TSPAN18: variants seen among roughly 807,000 people sequenced by gnomAD.
TSPAN18 encodes the protein tetraspanin-18.
In TSPAN18, 14 loss-of-function variants were observed where a neutral mutation model predicts 27.3. That is an observed-to-expected ratio of 0.51 (90% CI 0.34 to 0.80). The LOEUF is 0.80. TSPAN18 is among the 30% of genes least tolerant of loss of function. The pLI, the probability that TSPAN18 is intolerant of heterozygous loss-of-function variation, is 0.01. For missense variants in TSPAN18, 268 were observed against 323.9 expected (o/e 0.83, Z 1.32); for synonymous variants, 143 against 136.5 (o/e 1.05, Z -0.33).
chr11:44,915,839 A>G (rs1225234901), intron 5 of TSPAN18, among the ~76,000 whole-genome samples: 1 of 152,216 alleles, frequency 6.6e-6, no homozygotes, highest in Admixed American at 6.5e-5. Context: ...GAAACTACAC[A>G]AAAAAGAGAC....
chr11:44,811,912 CA>C (rs1049297822), intron 2 of TSPAN18, among the ~76,000 whole-genome samples: 2 of 152,204 alleles, frequency 1.3e-5, no homozygotes, highest in Admixed American at 1.3e-4. Flanking sequence ...TAGGAACCCC[CA>C]GGGGGAGAAC....
At chr11:44,730,647 A>C (rs1854631423) in intron 1 of TSPAN18, among the ~76,000 whole-genome samples, 1 of 145,644 alleles carries the variant, frequency 6.9e-6, no homozygotes, top group South Asian at 2.2e-4. Context: ...TTTTTGAGAG[A>C]CAGTCTTGCT....
chr11:44,788,456 C>CTTTTTTTTT lies in TSPAN18; in HGVS notation c.-153+23955_-153+23963dup, dbSNP rs11458938. 2.1e-3 allele frequency among the ~76,000 whole-genome samples: 263 copies of CTTTTTTTTT among 126,746 alleles called. 2 individuals are homozygous for CTTTTTTTTT. Among genetic ancestry groups the CTTTTTTTTT allele is most frequent in the African/African-American group, 7.5e-3 (249 of 33,046 alleles). 83.2% of individuals were successfully genotyped at this position (126,746 alleles called of 152,430 possible). A position where few individuals can be genotyped will look rare whatever the true frequency, so the allele number is the denominator to read the frequency against. ...TGGAGGATGGGTTTTCTTTTTTTCTCTTTTTTTTTTTTTTTTTTTGAGCCA... is the reference window on the plus strand; with the variant it reads ...TGGAGGATGGGTTTTCTTTTTTTCTCTTTTTTTTTTTTTTTTTTTTTTTTTTTTGAGCCA... On this transcript the variant is annotated intron_variant, in intron 2 of 9. Transcript: ENST00000520358.
chr11:44,856,085 A>G (rs1380032056), intron 2 of TSPAN18, among the ~76,000 whole-genome samples: 1 of 151,788 alleles, frequency 6.6e-6, no homozygotes, highest in Admixed American at 6.6e-5. Context: ...GGGTTTCACC[A>G]TGTTAGCCAG....
chr11:44,848,890 C>T (rs1035305110), intron 2 of TSPAN18, among the ~76,000 whole-genome samples: 13 of 152,266 alleles, frequency 8.5e-5, no homozygotes, highest in Non-Finnish European at 1.8e-4. Context: ...GTACTCAGGT[C>T]CCTTTGGTGA....
intron 1 of TSPAN18, among the ~76,000 whole-genome samples, chr11:44,741,916 C>G (rs1854945875): frequency 1.3e-5 from 2 of 151,792 alleles, no homozygotes; most frequent in African/African-American, 2.4e-5. Context: ...TCTCTCTGCT[C>G]TCTCCCCACT....
At chr11:44,875,720 G>C (rs1040957537) in intron 3 of TSPAN18, among the ~76,000 whole-genome samples, 3 of 152,214 alleles carry the variant, frequency 2.0e-5, no homozygotes, top group Non-Finnish European at 4.4e-5. Context: ...CAGAGAAGTG[G>C]CTTCATTTCC....
chr11:44,860,446 G>A lies in TSPAN18; in HGVS notation c.-34G>A, dbSNP rs12802362. Reference sequence around the variant, plus strand: ...GAGACGCGAGCATAATCCTTTTGCAGACATCTCAACGCTGGCTCTCCAGGT... The same window carrying A: ...GAGACGCGAGCATAATCCTTTTGCAAACATCTCAACGCTGGCTCTCCAGGT... On this transcript the variant is annotated 5_prime_UTR_variant, in exon 3 of 10. Coordinates refer to ENST00000520358, the MANE Select transcript of TSPAN18 (RefSeq NM_130783.5). 37,254 of 151,614 alleles carry A rather than the reference G, an allele frequency of 0.25. 4,776 individuals are homozygous for A. Among genetic ancestry groups the A allele is most frequent in the Non-Finnish European group, 0.29 (19,646 of 67,924 alleles). 9.4% of individuals were successfully genotyped at this position (151,614 alleles called of 1,614,324 possible). A position where few individuals can be genotyped will look rare whatever the true frequency, so the allele number is the denominator to read the frequency against.
intron 1 of TSPAN18, among the ~76,000 whole-genome samples, chr11:44,752,512 A>T (rs1199853138): frequency 2.0e-5 from 3 of 152,220 alleles, no homozygotes; most frequent in African/African-American, 7.2e-5. Context: ...ATCACAATAA[A>T]AACAAATGAG....
chr11:44,923,327 C>A (rs1158227500), intron 8 of TSPAN18, among the ~76,000 whole-genome samples: 26 of 152,062 alleles, frequency 1.7e-4, no homozygotes, highest in Admixed American at 1.7e-3. Context: ...GGGATGTGCC[C>A]ACCCAGCAGA....
chr11:44,812,174 C>T (rs751593063), intron 2 of TSPAN18, among the ~76,000 whole-genome samples: 1 of 152,202 alleles, frequency 6.6e-6, no homozygotes, highest in Non-Finnish European at 1.5e-5. Context: ...AGAGCATGCA[C>T]TTTGTAGATC....
At chr11:44,738,984 C>T (rs1041696468) in intron 1 of TSPAN18, among the ~76,000 whole-genome samples, 1 of 152,194 alleles carries the variant, frequency 6.6e-6, no homozygotes, top group Non-Finnish European at 1.5e-5. Context: ...GGTCTGTTTC[C>T]TGGCTCTTCT....
At chr11:44,864,286 C>CAAAA (rs34906166) in intron 3 of TSPAN18, among the ~76,000 whole-genome samples, 30 of 92,060 alleles carry the variant, frequency 3.3e-4, no homozygotes, top group African/African-American at 1.2e-3. Flanking sequence ...GACTCCGTCT[C>CAAAA]AAAAAAAAAA....
At chr11:44,810,167 A>C (rs904428249) in intron 2 of TSPAN18, among the ~76,000 whole-genome samples, 3 of 152,224 alleles carry the variant, frequency 2.0e-5, no homozygotes, top group Non-Finnish European at 2.9e-5. Flanking sequence ...ACATACAATT[A>C]GGCATTTTAA....
rs908133487 is a variant in TSPAN18, at chr11:44,821,214, C to T, written c.-152-39114C>T. Among the ~76,000 whole-genome samples the T allele has an allele frequency of 6.6e-5, 10 of 152,130 alleles. No homozygotes were observed. In the East Asian group the frequency reaches 1.3e-3, roughly 20 times the overall value. ...CATTGCAATAAGCCTGAGAGATCAT[C>T]GAGTTTAACTCTACACTCCTCAGTG... On this transcript the variant is annotated intron_variant, in intron 2 of 9. Transcript: ENST00000520358.
At chr11:44,862,418 C>G (rs533194335) in intron 3 of TSPAN18, among the ~76,000 whole-genome samples, 1 of 152,370 alleles carries the variant, frequency 6.6e-6, no homozygotes, top group African/African-American at 2.4e-5. Context: ...CTCTCTCGCT[C>G]TGTGTCTCGC....
chr11:44,844,338 T>A (rs1466781883), intron 2 of TSPAN18, among the ~76,000 whole-genome samples: 5 of 152,116 alleles, frequency 3.3e-5, no homozygotes, highest in African/African-American at 9.7e-5. Context: ...TGTCTTTTAG[T>A]GGGTCTAGGC....
intron 2 of TSPAN18, among the ~76,000 whole-genome samples, chr11:44,789,883 G>T (rs990044576): frequency 2.6e-5 from 4 of 152,192 alleles, no homozygotes; most frequent in African/African-American, 7.2e-5. Flanking sequence ...GTCTCTGTGG[G>T]GCTGTGCCAG....
chr11:44,737,607 T>G (rs1854828069), intron 1 of TSPAN18, among the ~76,000 whole-genome samples: 2 of 152,196 alleles, frequency 1.3e-5, no homozygotes, highest in South Asian at 4.1e-4. Flanking sequence ...ATACAGAAGT[T>G]CAGCTTACAC....
Sources: allele counts gnomAD v4.1 joint callset (sites outside exome capture counted in the v4.1 genomes callset), GRCh38; gene constraint gnomAD v4.1.1; transcripts MANE v1.5; gene names NCBI Gene and HGNC (gene_info 2026-07-23, HGNC 2026-07-21).